The following COL6A6 variants were observed in gnomAD, a reference collection of about 807,000 sequenced individuals.
COL6A6 encodes the protein collagen type VI alpha 6 chain.
A neutral mutation model predicts 208.6 loss-of-function variants in COL6A6; 183 were observed. That is an observed-to-expected ratio of 0.88 (90% CI 0.78 to 0.99). The LOEUF (loss-of-function observed/expected upper bound fraction) is 0.99. Among genes scored for constraint, COL6A6 ranks in the 50% least tolerant of loss-of-function variants. COL6A6 has a pLI of 0.00. For missense variants in COL6A6, 2,816 were observed against 2,815.2 expected, an observed-to-expected ratio of 1.00 and a Z score of -0.01; for synonymous variants, 973 against 1,011.8, an observed-to-expected ratio of 0.96 and a Z score of 0.73.
At chr3:130,625,951 T>TA (rs1365229290) in intron 24 of COL6A6, among the ~76,000 whole-genome samples, 2 of 152,208 alleles carry the variant, frequency 1.3e-5, no homozygotes, top group Admixed American at 1.3e-4. Flanking sequence ...TACCTTTTTT[T>TA]AAAAAGGAGT....
chr3:130,558,562 G>C (rs1464013409), intron 1 of COL6A6, among the ~76,000 whole-genome samples: 1 of 152,168 alleles, frequency 6.6e-6, no homozygotes, highest in African/African-American at 2.4e-5. Flanking sequence ...GACTATTGTA[G>C]CCTTTCCAAA....
At chr3:130,619,974 A>ACC (rs1264937779) in intron 23 of COL6A6, among the ~76,000 whole-genome samples, 2 of 152,136 alleles carry the variant, frequency 1.3e-5, no homozygotes, top group Non-Finnish European at 2.9e-5. Flanking sequence ...TCACTCTATC[A>ACC]CCCAGGCTGG....
chr3:130,665,643 G>T (rs1021840850), intron 36 of COL6A6, among the ~76,000 whole-genome samples: 1 of 152,084 alleles, frequency 6.6e-6, no homozygotes, highest in Non-Finnish European at 1.5e-5. Context: ...TTTAAAATCC[G>T]CAAGTCTATA....
intron 1 of COL6A6, among the ~76,000 whole-genome samples, chr3:130,545,998 G>A (rs1233659881): frequency 2.6e-5 from 4 of 151,818 alleles, no homozygotes; most frequent in East Asian, 1.9e-4. Context: ...CACAATTATC[G>A]GAGATTCCAG....
intron 1 of COL6A6, among the ~76,000 whole-genome samples, chr3:130,542,673 A>G (rs1327331160): frequency 1.3e-5 from 2 of 151,982 alleles, no homozygotes; most frequent in Admixed American, 6.6e-5. Flanking sequence ...TCACAGTTCT[A>G]TTGGTTTTTG....
chr3:130,542,705 G>A (rs1360488920), intron 1 of COL6A6, among the ~76,000 whole-genome samples: 1 of 152,070 alleles, frequency 6.6e-6, no homozygotes, highest in East Asian at 1.9e-4. Context: ...TTGACACTCT[G>A]ATTTTAGGCA....
At chr3:130,572,572 T>C (rs80212440) in intron 7 of COL6A6, among the ~76,000 whole-genome samples, 4,630 of 152,312 alleles carry the variant, frequency 0.03, 92 homozygotes, top group Non-Finnish European at 0.046. Flanking sequence ...TTTCTGGGTC[T>C]TACTGAAAAC....
At chr3:130,564,100 T>G (rs1004774976) in intron 3 of COL6A6, among the ~76,000 whole-genome samples, 2 of 152,222 alleles carry the variant, frequency 1.3e-5, no homozygotes, top group African/African-American at 4.8e-5. Flanking sequence ...CAGATCCCCC[T>G]GTTTTTTTGC....
intron 7 of COL6A6, among the ~76,000 whole-genome samples, chr3:130,573,183 T>C (rs958962905): frequency 2.0e-5 from 3 of 152,260 alleles, no homozygotes; most frequent in Non-Finnish European, 4.4e-5. Flanking sequence ...AAAATATTTA[T>C]TGGCTCAAAT....
At chr3:130,535,349 T>C (rs2062199082) in intron 1 of COL6A6, among the ~76,000 whole-genome samples, 1 of 152,202 alleles carries the variant, frequency 6.6e-6, no homozygotes, top group Non-Finnish European at 1.5e-5. Context: ...TTCAAATTCA[T>C]ACCTCATTTT....
intron 16 of COL6A6, 36 bp from the exon 17 acceptor site, chr3:130,593,163 G>C: frequency 1.2e-6 from 2 of 1,611,870 alleles, no homozygotes; most frequent in South Asian, 1.1e-5. Flanking sequence ...ATGAAAACGA[G>C]AATTCTATTA....
At chr3:130,594,171 T>C in intron 17 of COL6A6, 110 bp from the exon 18 acceptor site, 1 of 871,824 alleles carries the variant, frequency 1.1e-6, no homozygotes, top group East Asian at 2.6e-5. Context: ...AAAAATAGCC[T>C]TTGTAGAAAA....
At chr3:130,653,028 GT>G (rs1364931858) in intron 33 of COL6A6, among the ~76,000 whole-genome samples, 3 of 152,226 alleles carry the variant, frequency 2.0e-5, no homozygotes, top group African/African-American at 2.4e-5. Flanking sequence ...ATAGTATGAA[GT>G]TGAGTGGCAA....
chr3:130,574,551 CG>C (rs1560014429), intron 8 of COL6A6, 26 bp downstream of exon 8: 7 of 1,564,776 alleles, frequency 4.5e-6, no homozygotes, highest in Admixed American at 1.7e-5. Context: ...GTTCTTCATT[CG>C]ATTCCCTACA....
At chr3:130,619,082 A>T (rs1383917524) in intron 23 of COL6A6, among the ~76,000 whole-genome samples, 1 of 152,228 alleles carries the variant, frequency 6.6e-6, no homozygotes, top group Non-Finnish European at 1.5e-5. Flanking sequence ...TGGGTAGATA[A>T]ATGGATGGGT....
At chr3:130,653,020 A>G (rs1046732536) in intron 33 of COL6A6, among the ~76,000 whole-genome samples, 2 of 152,244 alleles carry the variant, frequency 1.3e-5, no homozygotes, top group African/African-American at 4.8e-5. Flanking sequence ...TTTTCATGAT[A>G]GTATGAAGTT....
At chr3:130,585,418 G>A (rs892889330) in intron 10 of COL6A6, among the ~76,000 whole-genome samples, 1 of 152,094 alleles carries the variant, frequency 6.6e-6, no homozygotes, top group Non-Finnish European at 1.5e-5. Flanking sequence ...AGTTATATTC[G>A]AACCTTACAA....
intron 36 of COL6A6, among the ~76,000 whole-genome samples, chr3:130,670,760 G>A (rs1339741745): frequency 6.6e-6 from 1 of 152,238 alleles, no homozygotes; most frequent in African/African-American, 2.4e-5. Flanking sequence ...CAACACTCTA[G>A]AGCAAGTCTG....
At chr3:130,647,664 G>C (rs1293813356) in intron 32 of COL6A6, among the ~76,000 whole-genome samples, 1 of 152,218 alleles carries the variant, frequency 6.6e-6, no homozygotes, top group East Asian at 1.9e-4. Context: ...AGGTGGGCAA[G>C]GCCCAGTTGG....
Sources: gnomAD v4.1 joint callset for allele counts (sites outside exome capture counted in the v4.1 genomes callset) on GRCh38, gnomAD v4.1.1 for gene constraint, MANE v1.5 for transcripts, NCBI Gene and HGNC (gene_info 2026-07-23, HGNC 2026-07-21) for gene names.